WNT2B: variants seen among roughly 807,000 people sequenced by gnomAD.
The protein encoded by WNT2B is Wnt family member 2B, also known as protein Wnt-2b.
WNT2B carries 19 observed loss-of-function variants against 40.5 expected under a neutral mutation model. The observed-to-expected ratio is 0.47, with a 90% CI of 0.33 to 0.69. The LOEUF (loss-of-function observed/expected upper bound fraction) is 0.69. WNT2B is among the 30% of genes least tolerant of loss of function. The probability of loss-of-function intolerance (pLI) is 0.02; values close to 1 mark genes in which losing one functional copy is unlikely to be tolerated. For missense variants in WNT2B, 467 were observed against 556.4 expected, an observed-to-expected ratio of 0.84 and a Z score of 1.62; for synonymous variants, 220 against 211.9, an observed-to-expected ratio of 1.04 and a Z score of -0.33.
chr1:112,520,675 AG>A lies in WNT2B; in HGVS notation c.*167del. On this transcript the variant is annotated 3_prime_UTR_variant, in exon 5 of 5. Transcript: ENST00000369684. ...ACCATGGTGTCCTGGCTGGTTCCTT[AG>A]CCCTGGGAAGGAGTTGTCAGGGGAT... The A allele has an allele frequency of 1.4e-6, 1 of 710,926 alleles. No individual in the cohort carries two copies. The highest frequency in any genetic ancestry group is 2.3e-6 in the Non-Finnish European group (1 of 432,008). The allele number at this position is 710,926 out of a possible 1,614,324, so 44.0% of individuals were successfully genotyped here. A position where few individuals can be genotyped will look rare whatever the true frequency, so the allele number is the denominator to read the frequency against.
chr1:112,469,685 C>T (rs111753596), intron 1 of WNT2B, among the ~76,000 whole-genome samples: 28 of 152,058 alleles, frequency 1.8e-4, no homozygotes, highest in African/African-American at 6.0e-4. Context: ...GCGATCTCAG[C>T]TCACTACAAC....
At position 112,523,337 on chromosome 1, in the gene WNT2B, A is replaced by C. The variant is rs1362633717; in HGVS notation, c.*2828A>C. 2 of 152,208 alleles carry C rather than the reference A, an allele frequency of 1.3e-5. No individual in the cohort carries two copies. The highest frequency in any genetic ancestry group is 1.3e-4 in the Admixed American group (2 of 15,284). The allele number at this position is 152,208 out of a possible 1,614,324, so 9.4% of individuals were successfully genotyped here. A position where few individuals can be genotyped will look rare whatever the true frequency, so the allele number is the denominator to read the frequency against. ...GCTGTCCAGAGAGTGAGAAGTTTGA[A>C]AAGAGAGGTGCATAAGAGAGAAATG... On this transcript the variant is annotated 3_prime_UTR_variant, in exon 5 of 5. Coordinates refer to ENST00000369684, the MANE Select transcript of WNT2B (RefSeq NM_024494.3).
rs1055161786 is a variant in WNT2B, at chr1:112,511,685, G to A, written c.182+2241G>A. The stretch of plus-strand genomic sequence containing the variant: ...ACAGACCAAGAAATAGGGAGCTTCC[G>A]GCATGTGCTTTCCTGTTTCATTTTG... On this transcript the variant is annotated intron_variant, in intron 1 of 4. Coordinates refer to ENST00000369684, the MANE Select transcript of WNT2B (RefSeq NM_024494.3). Among the ~76,000 whole-genome samples, 6 of 152,108 alleles carry A rather than the reference G, an allele frequency of 3.9e-5. No individual in the cohort carries two copies. In the East Asian group the frequency reaches 7.7e-4, roughly 20 times the overall value.
At chr1:112,475,883 T>C (rs1651042009) in intron 1 of WNT2B, among the ~76,000 whole-genome samples, 1 of 152,178 alleles carries the variant, frequency 6.6e-6, no homozygotes, top group Admixed American at 6.6e-5. Flanking sequence ...CCAATTGTAT[T>C]TTAAAGACAA....
upstream of WNT2B, among the ~76,000 whole-genome samples, chr1:112,508,270 C>T (rs1044786739): frequency 1.3e-5 from 2 of 151,494 alleles, no homozygotes; most frequent in African/African-American, 4.9e-5. The surrounding 1 kb of genome is among the most constrained non-coding windows in gnomAD (Gnocchi z 4.2). Flanking sequence ...GAGTAAGGGG[C>T]GGGGAGTCCG....
Position 112,526,340 on chromosome 1 carries a change from C to T in WNT2B, c.*5831C>T. The T allele has an allele frequency of 6.6e-6, 3 of 453,138 alleles. No individual in the cohort carries two copies. Among genetic ancestry groups the T allele is most frequent in the Non-Finnish European group, 3.9e-6 (1 of 258,008 alleles). 28.1% of individuals were successfully genotyped at this position (453,138 alleles called of 1,614,324 possible). ...TGGCTCCTAATTCTACTCCTTTTTTCCCCTTCAGATTAACATTAAAAATTT... is the reference window on the plus strand; with the variant it reads ...TGGCTCCTAATTCTACTCCTTTTTTTCCCTTCAGATTAACATTAAAAATTT... On this transcript the variant is annotated 3_prime_UTR_variant, in exon 5 of 5. Coordinates refer to ENST00000369684, the MANE Select transcript of WNT2B (RefSeq NM_024494.3).
intron 1 of WNT2B, among the ~76,000 whole-genome samples, chr1:112,477,160 CTTTATA>C (rs1651077157): frequency 6.6e-6 from 1 of 152,186 alleles, no homozygotes; most frequent in African/African-American, 2.4e-5. Flanking sequence ...CTATACATGT[CTTTATA>C]TTTAGAGTAC....
rs1200544986 is a variant in WNT2B at position 112,528,961 on chromosome 1, T to C, written c.*8452T>C. The C allele has an allele frequency of 6.6e-6, 1 of 152,214 alleles. No homozygotes were observed. The highest frequency in any genetic ancestry group is 1.5e-5 in the Non-Finnish European group (1 of 68,034). The allele number at this position is 152,214 out of a possible 1,614,324, so 9.4% of individuals were successfully genotyped here. On this transcript the variant is annotated 3_prime_UTR_variant, in exon 5 of 5. Coordinates refer to ENST00000369684, the MANE Select transcript of WNT2B (RefSeq NM_024494.3). ...AAATTCTAACTTCATGATCTCTAGT[T>C]AGGTGTCTATTTTCCTGCATTTGCT...
Position 112,475,678 on chromosome 1 carries a change from A to C in WNT2B, c.-95+8087A>C, listed in dbSNP as rs554982086. Among the ~76,000 whole-genome samples, 3 of 152,322 alleles carry C rather than the reference A, an allele frequency of 2.0e-5. No individual in the cohort carries two copies. The South Asian group carries it at 6.2e-4, about 32-fold the overall frequency. On this transcript the variant is annotated intron_variant, in intron 1 of 4. Coordinates refer to the WNT2B transcript ENST00000256640. ...GATGTACACAATGAGCCATAAAGCA[A>C]CCATGAAAAAAAGCAAAACAAAACT...
At chr1:112,485,733 A>C (rs1651395095) in intron 1 of WNT2B, among the ~76,000 whole-genome samples, 1 of 152,210 alleles carries the variant, frequency 6.6e-6, no homozygotes, top group African/African-American at 2.4e-5. Flanking sequence ...AACTGAAGAT[A>C]TATTTTCGAC....
At chr1:112,490,943 C>A in intron 1 of WNT2B, 1 of 1,467,264 alleles carries the variant, frequency 6.8e-7, no homozygotes, top group South Asian at 1.2e-5. Flanking sequence ...ACAAATCACT[C>A]CTCTTCCTGC....
chr1:112,520,206 G>C (rs1386314191), intron 4 of WNT2B, 74 bp from the exon 5 acceptor site: 1 of 1,414,396 alleles, frequency 7.1e-7, no homozygotes, highest in Non-Finnish European at 9.8e-7. Context: ...TCTTCCTTCT[G>C]AGAATGTGGT....
chr1:112,504,634 G>A (rs573234342), upstream of WNT2B, among the ~76,000 whole-genome samples: 49 of 152,260 alleles, frequency 3.2e-4, 1 homozygote, highest in South Asian at 1.0e-2. Context: ...CAGGGCAAGA[G>A]GTGAGGCATT....
intron 1 of WNT2B, among the ~76,000 whole-genome samples, chr1:112,479,390 A>G (rs985428136): frequency 1.3e-5 from 2 of 151,850 alleles, no homozygotes; most frequent in African/African-American, 2.4e-5. Flanking sequence ...CCTGGCCAAC[A>G]TGGTGAAACC....
intron 1 of WNT2B, among the ~76,000 whole-genome samples, chr1:112,481,774 G>T (rs1651230830): frequency 1.3e-5 from 2 of 152,162 alleles, no homozygotes; most frequent in Non-Finnish European, 2.9e-5. Flanking sequence ...ACTTTGGGAG[G>T]CCAGGTCAAG....
chr1:112,485,657 AAAC>A (rs1206788351), intron 1 of WNT2B, among the ~76,000 whole-genome samples: 2 of 152,214 alleles, frequency 1.3e-5, no homozygotes, highest in African/African-American at 4.8e-5. Flanking sequence ...AATGGTACTG[AAAC>A]AACTGGATAT....
intron 1 of WNT2B, among the ~76,000 whole-genome samples, chr1:112,467,906 C>A (rs976086032): frequency 1.3e-5 from 2 of 152,136 alleles, no homozygotes; most frequent in Admixed American, 6.6e-5. Flanking sequence ...GAACTTATTT[C>A]TTCTATCTAA....
chr1:112,466,997 A>C (rs1247004721), exon 1 of WNT2B: 1 of 152,830 alleles, frequency 6.5e-6, no homozygotes, highest in East Asian at 1.9e-4. Context: ...CATGAAACGC[A>C]GTGTTATGTG....
intron 1 of WNT2B, among the ~76,000 whole-genome samples, chr1:112,484,246 C>CATATATATATACACAT (rs1354872917): frequency 1.7e-3 from 196 of 116,488 alleles, no homozygotes; most frequent in African/African-American, 7.5e-3. Context: ...TATATATACA[C>CATATATATATACACAT]ATATATATAC....
Sources: allele counts gnomAD v4.1 joint callset (sites outside exome capture counted in the v4.1 genomes callset), GRCh38; gene constraint gnomAD v4.1.1; non-coding constraint Gnocchi (gnomAD v3.1); transcripts MANE v1.5; gene names NCBI Gene and HGNC (gene_info 2026-07-23, HGNC 2026-07-21).